PDE5A: variants seen among roughly 807,000 people sequenced by gnomAD.
The protein encoded by PDE5A is phosphodiesterase 5A.
PDE5A carries 67 observed loss-of-function variants against 110.2 expected under a neutral mutation model. That is an observed-to-expected ratio of 0.61 (90% CI 0.50 to 0.75). The LOEUF is 0.75. Among genes scored for constraint, PDE5A ranks in the 30% least tolerant of loss-of-function variants. PDE5A has a pLI of 0.00. For missense variants in PDE5A, 862 were observed against 1,045.1 expected, an observed-to-expected ratio of 0.82 and a Z score of 2.42; for synonymous variants, 328 against 351.2, an observed-to-expected ratio of 0.93 and a Z score of 0.74.
intron 9 of PDE5A, 179 bp downstream of exon 9, chr4:119,552,371 T>C (rs1275951097): frequency 5.4e-6 from 2 of 369,974 alleles, no homozygotes; most frequent in East Asian, 4.7e-5. Flanking sequence ...AAGTGCACCA[T>C]AGTTTATAAG....
intron 9 of PDE5A, 65 bp downstream of exon 9, chr4:119,552,483 AAG>A (rs1431187239): frequency 7.3e-6 from 4 of 548,288 alleles, no homozygotes; most frequent in African/African-American, 4.0e-5. Context: ...ATTTGAAAGA[AAG>A]AAGTATAGCT....
At chr4:119,596,804 G>C (rs539793693) in intron 2 of PDE5A, among the ~76,000 whole-genome samples, 192 bp from the exon 3 acceptor site, 21 of 152,176 alleles carry the variant, frequency 1.4e-4, no homozygotes, top group Non-Finnish European at 3.1e-4. Context: ...AAGTTGCTGA[G>C]CTTTTTTATA....
chr4:119,543,783 C>T (rs12649367), intron 9 of PDE5A: 5 of 152,358 alleles, frequency 3.3e-5, no homozygotes, highest in African/African-American at 7.2e-5. Context: ...CCTTCCCTCC[C>T]GCCTCACCAG....
At chr4:119,508,672 T>G (rs1227833756) in intron 15 of PDE5A, among the ~76,000 whole-genome samples, 1 of 152,050 alleles carries the variant, frequency 6.6e-6, no homozygotes, top group Non-Finnish European at 1.5e-5. Flanking sequence ...TTTTAAATAC[T>G]AAATCATTTT....
At chr4:119,516,854 C>T (rs936014891) in intron 14 of PDE5A, among the ~76,000 whole-genome samples, 1 of 152,150 alleles carries the variant, frequency 6.6e-6, no homozygotes, top group African/African-American at 2.4e-5. Flanking sequence ...CTCCTGACCT[C>T]GTGATCCACC....
Position 119,627,447 on chromosome 4 carries a change from C to G in PDE5A, c.152+1073G>C, listed in dbSNP as rs939966467. On this transcript the variant is annotated intron_variant, in intron 1 of 20. Transcript: ENST00000354960. The surrounding 1 kb of genome is among the most constrained non-coding windows in gnomAD (Gnocchi z 4.6). ...GGGCGGGCTCCTCGACCATCACTGCCGGGCGTGTGTCACCCTCCCGGCCAA... is the reference window on the plus strand; with the variant it reads ...GGGCGGGCTCCTCGACCATCACTGCGGGGCGTGTGTCACCCTCCCGGCCAA... 1.2e-5 allele frequency: 3 copies of G among 252,370 alleles called. No homozygotes were observed. The highest frequency in any genetic ancestry group is 6.9e-5 in the African/African-American group (3 of 43,322). 15.6% of individuals were successfully genotyped at this position (252,370 alleles called of 1,614,324 possible).
intron 3 of PDE5A, among the ~76,000 whole-genome samples, chr4:119,588,528 TA>T (rs35632964): frequency 0.33 from 45,450 of 139,514 alleles, 7,130 homozygotes; most frequent in African/African-American, 0.4. Context: ...TTTGCTTCAT[TA>T]AAAAAAAAAA....
intron 3 of PDE5A, among the ~76,000 whole-genome samples, chr4:119,578,542 C>A (rs559981442): frequency 6.6e-6 from 1 of 152,176 alleles, no homozygotes. Context: ...TGCATATCTA[C>A]AACCATCTGA....
intron 2 of PDE5A, 100 bp downstream of exon 2, chr4:119,606,609 C>T: frequency 1.3e-6 from 1 of 741,966 alleles, no homozygotes. Context: ...TCAAATATCC[C>T]CACCATTCAT....
chr4:119,624,510 T>C (rs188549025), intron 1 of PDE5A, among the ~76,000 whole-genome samples: 18 of 152,296 alleles, frequency 1.2e-4, no homozygotes, highest in Admixed American at 2.0e-4. Context: ...GAAAGCTATA[T>C]GGGAGTGTAA....
Position 119,494,906 on chromosome 4 carries a change from ACT to A in PDE5A, c.*3693_*3694del, listed in dbSNP as rs1451206584. The A allele has an allele frequency of 1.3e-5, 2 of 152,468 alleles. No homozygotes were observed. The highest frequency in any genetic ancestry group is 2.4e-5 in the African/African-American group (1 of 41,384). 9.4% of individuals were successfully genotyped at this position (152,468 alleles called of 1,614,324 possible). ...AGTGAGCTTTAATACTTTCTTCTTC[ACT>A]CTCTGTAGTAGAGCAGAAGGGGTCC... On this transcript the variant is annotated 3_prime_UTR_variant, in exon 21 of 21. Transcript: ENST00000354960.
At chr4:119,539,070 G>A (rs769398107) in intron 10 of PDE5A, 51 bp from the exon 11 acceptor site, 1 of 1,333,488 alleles carries the variant, frequency 7.5e-7, no homozygotes, top group South Asian at 1.2e-5. Context: ...ACTACCACAT[G>A]TAGACTAGAA....
chr4:119,567,682 G>T (rs1367256620), intron 3 of PDE5A, among the ~76,000 whole-genome samples: 3 of 152,128 alleles, frequency 2.0e-5, no homozygotes, highest in Non-Finnish European at 4.4e-5. Context: ...TTCTGCCCTT[G>T]AAAATTATTT....
chr4:119,524,097 A>T (rs572987775), intron 12 of PDE5A, among the ~76,000 whole-genome samples: 1 of 152,248 alleles, frequency 6.6e-6, no homozygotes, highest in South Asian at 2.1e-4. Flanking sequence ...AATATTATAG[A>T]TAAGTACATA....
At chr4:119,628,003 G>A (rs1237605535) in intron 1 of PDE5A, 2 of 983,058 alleles carry the variant, frequency 2.0e-6, no homozygotes, top group Non-Finnish European at 1.2e-6. Flanking sequence ...ACTTTGGCAA[G>A]GTTCCGTCAT....
chr4:119,526,097 A>G (rs143398144), intron 11 of PDE5A, among the ~76,000 whole-genome samples: 316 of 152,284 alleles, frequency 2.1e-3, no homozygotes, highest in Non-Finnish European at 3.3e-3. Flanking sequence ...ATCTGGTAAG[A>G]AGGGTAATGA....
Position 119,519,102 on chromosome 4 carries a change from A to G in PDE5A, c.1943T>C (p.Ile648Thr), listed in dbSNP as rs201618319. ...ATCCAAATCGTGGCTTAGTGCAGCA[A>G]TCAGCAATGCAAGTATCTCCAGGTC... ...LTDLEILALL[I>T]AALSHDLDHR... The change falls in exon 14 of 21, where the codon ATT (isoleucine) becomes ACT (threonine). Residue 648 changes from isoleucine (I) to threonine (T), a missense_variant. Transcript: ENST00000354960. 1.1e-5 allele frequency: 18 copies of G among 1,613,828 alleles called. No homozygotes were observed. The highest frequency in any genetic ancestry group is 1.5e-5 in the Non-Finnish European group (18 of 1,179,838).
At chr4:119,517,998 A>G (rs1725977355) in intron 14 of PDE5A, among the ~76,000 whole-genome samples, 1 of 152,210 alleles carries the variant, frequency 6.6e-6, no homozygotes, top group South Asian at 2.1e-4. Context: ...TTTCAAGAGG[A>G]AACAGCCAGA....
chr4:119,539,192 A>G (rs1362157692), intron 10 of PDE5A, 173 bp from the exon 11 acceptor site: 2 of 595,156 alleles, frequency 3.4e-6, no homozygotes, highest in Non-Finnish European at 3.1e-6. Flanking sequence ...TTTAGATTCC[A>G]TTGCTTGTTT....
Sources: gnomAD v4.1 joint callset for allele counts (sites outside exome capture counted in the v4.1 genomes callset) on GRCh38, gnomAD v4.1.1 for gene constraint, Gnocchi (gnomAD v3.1) non-coding constraint, MANE v1.5 for transcripts, NCBI Gene and HGNC (gene_info 2026-07-23, HGNC 2026-07-21) for gene names.